Variants in NTSR1 observed in about 807,000 individuals in gnomAD.
NTSR1 encodes the protein neurotensin receptor 1.
Under a neutral mutation model 31.2 loss-of-function variants are expected in NTSR1, and 29 were observed. That is an observed-to-expected ratio of 0.93 (90% confidence interval 0.69 to 1.27). The LOEUF is 1.27. Ranked by LOEUF, NTSR1 falls within the 50% of genes most tolerant of loss-of-function variation. The probability of loss-of-function intolerance (pLI) is 0.00; values close to 1 mark genes in which losing one functional copy is unlikely to be tolerated. For missense variants in NTSR1, 697 were observed against 595.4 expected (o/e 1.17, Z -1.78); for synonymous variants, 282 against 269.9 (o/e 1.04, Z -0.44).
At chr20:62,756,655 C>T (rs1287257467) in intron 2 of NTSR1, 1 of 152,306 alleles carries the variant, frequency 6.6e-6, no homozygotes, top group Non-Finnish European at 1.5e-5. Flanking sequence ...GCTGGCGAAG[C>T]CCACAGCAGG....
chr20:62,754,838 A>G lies in NTSR1; in HGVS notation c.868A>G (p.Ile290Val), dbSNP rs758256928. The change falls in exon 2 of 4, where the codon ATC (isoleucine) becomes GTC (valine). Residue 290 changes from isoleucine to valine, a missense_variant. Coordinates refer to ENST00000370501, the MANE Select transcript of NTSR1 (RefSeq NM_002531.3). ...GGEHSTFSMA[I>V]EPGRVQALRH... ...CGAGCACAGCACATTCAGCATGGCC[A>G]TCGAGCCTGGCAGGGTCCAGGCCCT... is the stretch of plus-strand genomic sequence containing the variant. 5 of 1,607,958 alleles carry G rather than the reference A, an allele frequency of 3.1e-6. No homozygotes were observed. The highest frequency in any genetic ancestry group is 4.2e-6 in the Non-Finnish European group (5 of 1,179,568).
At chr20:62,747,068 G>C (rs1989312807) in intron 1 of NTSR1, among the ~76,000 whole-genome samples, 1 of 152,218 alleles carries the variant, frequency 6.6e-6, no homozygotes, top group Non-Finnish European at 1.5e-5. Context: ...TTATCCCTGG[G>C]ATGGAAACAC....
In NTSR1 at chr20:62,760,324, C is replaced by T; in HGVS notation, c.*57C>T. 6 of 1,544,094 alleles carry T rather than the reference C, an allele frequency of 3.9e-6. No individual in the cohort carries two copies. Among genetic ancestry groups the T allele is most frequent in the Non-Finnish European group, 4.4e-6 (5 of 1,145,504 alleles). On this transcript the variant is annotated 3_prime_UTR_variant, in exon 4 of 4. Coordinates refer to ENST00000370501, the MANE Select transcript of NTSR1 (RefSeq NM_002531.3). ...CCTGGCCATGGGTCCTTGCCCCCGA[C>T]AGACAGAGCAGCCCCCACCCGGGAG...
chr20:62,761,343 C>A lies in NTSR1; in HGVS notation c.*1076C>A, dbSNP rs2076205950. ...TGAGAAGGAGCGGTGTGTCCAGGCA[C>A]CGCTGGCCGGCAGCCCTGGGCTGAG... is the stretch of plus-strand genomic sequence containing the variant. On this transcript the variant is annotated 3_prime_UTR_variant, in exon 4 of 4. Transcript: ENST00000370501. The A allele has an allele frequency of 6.6e-6, 1 of 152,236 alleles. No individual in the cohort carries two copies. Among genetic ancestry groups the A allele is most frequent in the African/African-American group, 2.4e-5 (1 of 41,438 alleles). The allele number at this position is 152,236 out of a possible 1,614,324, so 9.4% of individuals were successfully genotyped here. A position where few individuals can be genotyped will look rare whatever the true frequency, so the allele number is the denominator to read the frequency against.
chr20:62,747,037 T>C (rs1989312249), intron 1 of NTSR1, among the ~76,000 whole-genome samples: 1 of 152,228 alleles, frequency 6.6e-6, no homozygotes, highest in African/African-American at 2.4e-5. Flanking sequence ...GAAAGGCTCA[T>C]CCACCATGAG....
intron 1 of NTSR1, among the ~76,000 whole-genome samples, chr20:62,748,175 C>CAAAA (rs34449464): frequency 1.3e-5 from 1 of 78,904 alleles, no homozygotes; most frequent in African/African-American, 3.8e-5. Flanking sequence ...GAATCTGTCT[C>CAAAA]AAAAAAAAAA....
chr20:62,753,692 C>T (rs1026343469), intron 1 of NTSR1, among the ~76,000 whole-genome samples: 3 of 152,216 alleles, frequency 2.0e-5, no homozygotes, highest in African/African-American at 4.8e-5. Context: ...TACAAAGAAC[C>T]GAAGGCCAAG....
At chr20:62,756,279 T>TG (rs947070797) in intron 2 of NTSR1, among the ~76,000 whole-genome samples, 1 of 152,226 alleles carries the variant, frequency 6.6e-6, no homozygotes, top group Non-Finnish European at 1.5e-5. Flanking sequence ...GGAGCCCATC[T>TG]GGGCAACAGA....
In NTSR1 at chr20:62,723,529, G is replaced by A. The variant is rs112468356; in HGVS notation, c.714+13608G>A. ...ATGTGCACAGTAGGAAGCGGCTGTC[G>A]GGGGTCACTATTTATTGCCTGGAGC... On this transcript the variant is annotated intron_variant, in intron 1 of 3. Coordinates refer to ENST00000370501, the MANE Select transcript of NTSR1 (RefSeq NM_002531.3). 3.1e-3 allele frequency among the ~76,000 whole-genome samples: 472 copies of A among 152,306 alleles called. 5 individuals are homozygous for A. Among genetic ancestry groups the A allele is most frequent in the African/African-American group, 0.01 (436 of 41,560 alleles).
rs1989254906 is a variant in NTSR1, at chr20:62,744,165, C to G, written c.715-10520C>G. The stretch of plus-strand genomic sequence containing the variant: ...CCATCCCAGCCTCCCAAGCCGCAGT[C>G]CTGTGCCCCCCAATTTGCTTCCTTT... On this transcript the variant is annotated intron_variant, in intron 1 of 3. Transcript: ENST00000370501. The surrounding 1 kb of genome is among the most constrained non-coding windows in gnomAD (Gnocchi z 4.1). Among the ~76,000 whole-genome samples, 1 of 152,204 alleles carries G rather than the reference C, an allele frequency of 6.6e-6. No individual in the cohort carries two copies. The highest frequency in any genetic ancestry group is 6.5e-5 in the Admixed American group (1 of 15,278).
At chr20:62,710,725 C>T (rs528303934) in intron 1 of NTSR1, among the ~76,000 whole-genome samples, 20 of 152,130 alleles carry the variant, frequency 1.3e-4, no homozygotes, top group Middle Eastern at 3.4e-3. Context: ...GTTCGTGGCA[C>T]GGGGGGTTCC....
chr20:62,712,175 G>A (rs935510635), intron 1 of NTSR1, among the ~76,000 whole-genome samples: 68 of 152,308 alleles, frequency 4.5e-4, no homozygotes, highest in African/African-American at 1.6e-3. Context: ...CCCGCCATTT[G>A]CCATTTTATG....
At chr20:62,729,006 G>A (rs751934267) in intron 1 of NTSR1, among the ~76,000 whole-genome samples, 9 of 152,258 alleles carry the variant, frequency 5.9e-5, no homozygotes, top group Non-Finnish European at 8.8e-5. Context: ...AGAAGAAGCT[G>A]CTGGCAAGAG....
chr20:62,753,393 T>C (rs918033057), intron 1 of NTSR1, among the ~76,000 whole-genome samples: 1 of 152,326 alleles, frequency 6.6e-6, no homozygotes, highest in Non-Finnish European at 1.5e-5. Flanking sequence ...CATGTGGCTC[T>C]GCCCTCCCTT....
At chr20:62,726,396 T>A (rs1328606838) in intron 1 of NTSR1, among the ~76,000 whole-genome samples, 1 of 152,100 alleles carries the variant, frequency 6.6e-6, no homozygotes, top group African/African-American at 2.4e-5. Flanking sequence ...AAACTGCTGC[T>A]CTCCGAGACC....
chr20:62,724,346 G>A (rs764490123), intron 1 of NTSR1, among the ~76,000 whole-genome samples: 8 of 152,202 alleles, frequency 5.3e-5, no homozygotes, highest in Non-Finnish European at 7.3e-5. Context: ...ACCAAAGGAA[G>A]CATGCCTGGA....
Position 62,760,557 on chromosome 20 carries a change from T to G in NTSR1, c.*290T>G. The G allele has an allele frequency of 1.4e-5, 5 of 350,208 alleles. No homozygotes were observed. Among genetic ancestry groups the G allele is most frequent in the Non-Finnish European group, 2.1e-5 (4 of 191,108 alleles). The allele number at this position is 350,208 out of a possible 1,614,324, so 21.7% of individuals were successfully genotyped here. A position where few individuals can be genotyped will look rare whatever the true frequency, so the allele number is the denominator to read the frequency against. ...AAAAGGGCCTCTAACAAGGAGAAAT[T>G]AGTGTGCGGCAAAAGGCAGTTTTCT... On this transcript the variant is annotated 3_prime_UTR_variant, in exon 4 of 4. Transcript: ENST00000370501.
chr20:62,736,433 G>T (rs1405882200), intron 1 of NTSR1, among the ~76,000 whole-genome samples: 1 of 152,258 alleles, frequency 6.6e-6, no homozygotes, highest in Admixed American at 6.5e-5. Context: ...CTGAGTCCCA[G>T]TTTAGACGCA....
intron 1 of NTSR1, among the ~76,000 whole-genome samples, chr20:62,713,119 G>A (rs781144123): frequency 1.3e-5 from 2 of 152,184 alleles, no homozygotes; most frequent in East Asian, 1.9e-4. Context: ...TCACAGGCAC[G>A]AGTCCATTAG....
Sources: allele counts gnomAD v4.1 joint callset (sites outside exome capture counted in the v4.1 genomes callset), GRCh38; gene constraint gnomAD v4.1.1; non-coding constraint Gnocchi (gnomAD v3.1); transcripts MANE v1.5; gene names NCBI Gene and HGNC (gene_info 2026-07-23, HGNC 2026-07-21).